DDX19B: variants seen among roughly 807,000 people sequenced by gnomAD.
DDX19B encodes DEAD-box helicase 19B.
A neutral mutation model predicts 58.1 loss-of-function variants in DDX19B; 27 were observed. That is an observed-to-expected ratio of 0.46 (90% CI 0.34 to 0.64). The LOEUF is 0.64. Ranked by LOEUF, DDX19B falls within the 30% of genes least tolerant of loss-of-function variation. The pLI is 0.01. For missense variants in DDX19B, 399 were observed against 596.5 expected (o/e 0.67, Z 3.45); for synonymous variants, 187 against 214.4 (o/e 0.87, Z 1.12).
At chr16:70,296,607 C>T (rs1056557366), upstream of DDX19B, among the ~76,000 whole-genome samples, 11 of 152,038 alleles carry the variant, frequency 7.2e-5, no homozygotes, top group South Asian at 8.3e-4. Context: ...TAACCTCTAG[C>T]CCTGTGAAAC....
chr16:70,326,838 CTTT>C (rs1474821613), intron 7 of DDX19B, among the ~76,000 whole-genome samples: 1 of 149,868 alleles, frequency 6.7e-6, no homozygotes, highest in Non-Finnish European at 1.5e-5. Flanking sequence ...GCCCAGACTT[CTTT>C]CTTTTTTTTT....
At position 70,299,340 on chromosome 16, in the gene DDX19B, G is replaced by A. The variant is rs893197247; in HGVS notation, c.43G>A (p.Ala15Thr). ...SWALAVDEQEAAAESLSNLHL... is the reference protein window; with the variant it reads ...SWALAVDEQETAAESLSNLHL... ...GGCCCTGGCGGTGGACGAGCAGGAA[G>A]CTGCGGCTGAGTCGGTGAGTTGGCT... Residue 15 changes from alanine to threonine, a missense_variant, in exon 1 of 12, where the codon GCT becomes ACT. Coordinates refer to ENST00000288071, the MANE Select transcript of DDX19B (RefSeq NM_007242.7). The A allele has an allele frequency of 1.9e-6, 3 of 1,609,162 alleles. No homozygotes were observed. Among genetic ancestry groups the A allele is most frequent in the South Asian group, 2.2e-5 (2 of 90,088 alleles).
At chr16:70,296,281 G>A (rs1233264192), upstream of DDX19B, among the ~76,000 whole-genome samples, 2 of 151,536 alleles carry the variant, frequency 1.3e-5, no homozygotes, top group East Asian at 3.9e-4. Context: ...GATTACAGGC[G>A]TGAGCCACCG....
chr16:70,314,414 G>C (rs1962256654), intron 2 of DDX19B, among the ~76,000 whole-genome samples: 1 of 152,140 alleles, frequency 6.6e-6, no homozygotes, highest in African/African-American at 2.4e-5. Context: ...TGTAATCCCA[G>C]CACTTTGGGA....
At chr16:70,305,745 T>G (rs1442790764) in intron 1 of DDX19B, among the ~76,000 whole-genome samples, 1 of 151,906 alleles carries the variant, frequency 6.6e-6, no homozygotes, top group African/African-American at 2.4e-5. Context: ...TTTTTTTAAT[T>G]ATTATTTTTT....
At chr16:70,314,799 C>A in intron 2 of DDX19B, 103 bp from the exon 3 acceptor site, 1 of 1,263,680 alleles carries the variant, frequency 7.9e-7, no homozygotes, top group Non-Finnish European at 1.1e-6. Context: ...ATTTTTTGCT[C>A]CCCAGGCCTT....
At chr16:70,291,379 TAGAA>T (rs1415107602), upstream of DDX19B, among the ~76,000 whole-genome samples, 1 of 152,170 alleles carries the variant, frequency 6.6e-6, no homozygotes, top group Non-Finnish European at 1.5e-5. Context: ...ACACTTAAAA[TAGAA>T]AGCCAAAAGG....
chr16:70,331,391 A>G (rs771118650), intron 9 of DDX19B, among the ~76,000 whole-genome samples: 7 of 152,124 alleles, frequency 4.6e-5, no homozygotes, highest in Non-Finnish European at 8.8e-5. Flanking sequence ...CTAAAGCCAC[A>G]CTCTTCCTAG....
chr16:70,290,387 T>C (rs920151952), upstream of DDX19B, among the ~76,000 whole-genome samples: 6 of 151,536 alleles, frequency 4.0e-5, no homozygotes, highest in Admixed American at 2.6e-4. Context: ...AACACAAAAT[T>C]AGCCGGGCGC....
At position 70,334,728 on chromosome 16, in the gene DDX19B, C is replaced by T. The variant is rs1223147177; in HGVS notation, c.*1146C>T. On this transcript the variant is annotated 3_prime_UTR_variant, in exon 12 of 12. Coordinates refer to ENST00000288071, the MANE Select transcript of DDX19B (RefSeq NM_007242.7). ...GTCCAAGGCAAGAGTATCACCAAGGCCTTTGCTCCAGCCTTACTTGGCATC... is the reference window on the plus strand; with the variant it reads ...GTCCAAGGCAAGAGTATCACCAAGGTCTTTGCTCCAGCCTTACTTGGCATC... 1 of 152,216 alleles carries T rather than the reference C, an allele frequency of 6.6e-6. No homozygotes were observed. Among genetic ancestry groups the T allele is most frequent in the Non-Finnish European group, 1.5e-5 (1 of 68,046 alleles). The allele number at this position is 152,216 out of a possible 1,614,324, so 9.4% of individuals were successfully genotyped here.
chr16:70,296,568 A>C (rs537582361), upstream of DDX19B, among the ~76,000 whole-genome samples: 1 of 152,126 alleles, frequency 6.6e-6, no homozygotes, highest in East Asian at 1.9e-4. Flanking sequence ...GTAATTTTTA[A>C]CCTCATTAAA....
At chr16:70,303,834 C>A (rs1961599979) in intron 1 of DDX19B, among the ~76,000 whole-genome samples, 1 of 152,122 alleles carries the variant, frequency 6.6e-6, no homozygotes. Context: ...GCTGGGATTA[C>A]AGGCGTGAGC....
At position 70,299,339 on chromosome 16, in the gene DDX19B, A is replaced by G; in HGVS notation, c.42A>G (p.Glu14=). ...GGGCCCTGGCGGTGGACGAGCAGGA[A>G]GCTGCGGCTGAGTCGGTGAGTTGGC... is the stretch of plus-strand genomic sequence containing the variant. The part of the protein sequence containing the change: ...DSWALAVDEQ[E]AAAESLSNLH... The change falls in exon 1 of 12, where the codon GAA becomes GAG. Residue 14 remains glutamate (E), a synonymous_variant. Coordinates refer to ENST00000288071, the MANE Select transcript of DDX19B (RefSeq NM_007242.7). The G allele has an allele frequency of 6.2e-7, 1 of 1,609,474 alleles. No individual in the cohort carries two copies. Among genetic ancestry groups the G allele is most frequent in the Admixed American group, 1.7e-5 (1 of 59,294 alleles).
At chr16:70,331,196 A>G (rs1390948564) in intron 9 of DDX19B, among the ~76,000 whole-genome samples, 3 of 152,132 alleles carry the variant, frequency 2.0e-5, no homozygotes, top group Non-Finnish European at 2.9e-5. Context: ...TATGTGCCCC[A>G]TGCATGTCAG....
chr16:70,322,079 C>A (rs1165417964), intron 5 of DDX19B, among the ~76,000 whole-genome samples: 1 of 152,010 alleles, frequency 6.6e-6, no homozygotes, highest in Non-Finnish European at 1.5e-5. Context: ...GGCATAGTGG[C>A]TCATGCCTGT....
intron 5 of DDX19B, among the ~76,000 whole-genome samples, chr16:70,320,888 G>A (rs887043157): frequency 2.0e-5 from 3 of 148,328 alleles, no homozygotes; most frequent in Non-Finnish European, 4.5e-5. Flanking sequence ...AGACAGAGTT[G>A]TGCTATGTTG....
At chr16:70,315,191 A>C (rs1962308797) in intron 3 of DDX19B, among the ~76,000 whole-genome samples, 1 of 150,318 alleles carries the variant, frequency 6.7e-6, no homozygotes, top group African/African-American at 2.5e-5. Context: ...CCTGGCTAAC[A>C]CGGTGAAAAC....
intron 1 of DDX19B, among the ~76,000 whole-genome samples, chr16:70,302,597 A>G (rs1961542853): frequency 6.6e-6 from 1 of 152,192 alleles, no homozygotes; most frequent in Non-Finnish European, 1.5e-5. Context: ...ATTGCTGAGT[A>G]GAATTCCACT....
upstream of DDX19B, among the ~76,000 whole-genome samples, chr16:70,297,602 A>G (rs1358776059): frequency 1.3e-5 from 2 of 152,212 alleles, no homozygotes; most frequent in East Asian, 3.8e-4. Context: ...GAAAATGCCT[A>G]GTTTCTTTCT....
Sources: gnomAD v4.1 joint callset for allele counts (sites outside exome capture counted in the v4.1 genomes callset) on GRCh38, gnomAD v4.1.1 for gene constraint, MANE v1.5 for transcripts, NCBI Gene and HGNC (gene_info 2026-07-23, HGNC 2026-07-21) for gene names.